Variants in SPAG17 observed in about 807,000 individuals in gnomAD.
SPAG17 encodes sperm associated antigen 17.
Under a neutral mutation model 273.6 loss-of-function variants are expected in SPAG17, and 169 were observed. The observed-to-expected ratio is 0.62, with a 90% CI of 0.55 to 0.70. The LOEUF (loss-of-function observed/expected upper bound fraction) is 0.70. Ranked by LOEUF, SPAG17 falls within the 30% of genes least tolerant of loss-of-function variation. The pLI is 0.00. For synonymous variants in SPAG17, 825 were observed against 873.2 expected (o/e 0.94, Z 0.97); for missense variants, 2,557 against 2,627.8 (o/e 0.97, Z 0.59).
intron 1 of SPAG17, among the ~76,000 whole-genome samples, chr1:118,153,144 T>C (rs889410476): frequency 2.0e-5 from 3 of 152,202 alleles, no homozygotes; most frequent in African/African-American, 7.2e-5. Context: ...TACTTATTAG[T>C]ATTTGGTGTC....
intron 24 of SPAG17, among the ~76,000 whole-genome samples, chr1:118,032,468 T>C (rs984831635): frequency 6.6e-6 from 1 of 152,138 alleles, no homozygotes; most frequent in Non-Finnish European, 1.5e-5. Flanking sequence ...CTGTGTGTCA[T>C]GAATTTTATT....
At position 117,966,668 on chromosome 1, in the gene SPAG17, ATG is replaced by A; in HGVS notation, c.6471_6472del (p.Ile2158LeufsTer11). Reference sequence around the variant, plus strand: ...TGTCATAATCTCGATATTGTGAGAGATGTGTGCTGATCCCTTGGCCCCATCCT... The same window carrying A: ...TGTCATAATCTCGATATTGTGAGAGATGTGCTGATCCCTTGGCCCCATCCT... On this transcript the variant is annotated frameshift_variant, in exon 47 of 49. Coordinates refer to ENST00000336338, the MANE Select transcript of SPAG17 (RefSeq NM_206996.4). LOFTEE classifies it high-confidence loss of function. 6.2e-7 allele frequency: 1 copy of A among 1,613,976 alleles called. No individual in the cohort carries two copies.
At chr1:117,994,330 G>T in intron 35 of SPAG17, 76 bp downstream of exon 35, 1 of 1,424,752 alleles carries the variant, frequency 7.0e-7, no homozygotes, top group Non-Finnish European at 9.4e-7. Flanking sequence ...TATGGGAGAA[G>T]ACTTAAGACT....
At chr1:117,959,615 G>A (rs1311121951) in intron 48 of SPAG17, 1 of 626,654 alleles carries the variant, frequency 1.6e-6, no homozygotes, top group African/African-American at 1.9e-5. Flanking sequence ...TCCAACATGA[G>A]ATTATGGGCT....
chr1:118,014,209 G>A (rs986876235), intron 29 of SPAG17, among the ~76,000 whole-genome samples: 3 of 152,162 alleles, frequency 2.0e-5, no homozygotes, highest in Non-Finnish European at 4.4e-5. Flanking sequence ...GAGTGAGTTA[G>A]TATATGGAAA....
At chr1:118,161,050 A>C (rs1017847539) in intron 1 of SPAG17, among the ~76,000 whole-genome samples, 1 of 152,272 alleles carries the variant, frequency 6.6e-6, no homozygotes. Context: ...CAGCTCAACA[A>C]GCATTTATTA....
Position 118,091,954 on chromosome 1 carries a change from C to T in SPAG17, c.1222G>A (p.Glu408Lys), listed in dbSNP as rs758513192. 5.0e-6 allele frequency: 8 copies of T among 1,613,698 alleles called. No individual in the cohort carries two copies. The highest frequency in any genetic ancestry group is 1.1e-5 in the South Asian group (1 of 91,070). Reference protein sequence around the residue: ...PAPGKKKAQYEEPQAPPPVTS... With the variant: ...PAPGKKKAQYKEPQAPPPVTS... ...CCTGGTGGTGGAGCTTGCGGTTCTT[C>T]ATACTGTGCTTTCTTCTTTCCAGGA... The change falls in exon 9 of 49, where the codon GAA becomes AAA. Residue 408 changes from glutamate to lysine, a missense_variant. Physicochemically the swap from Glu to Lys is moderately conservative, Grantham distance 56 (BLOSUM62 1). Transcript: ENST00000336338.
At chr1:118,111,592 A>AC (rs1656764012) in intron 4 of SPAG17, among the ~76,000 whole-genome samples, 2 of 151,412 alleles carry the variant, frequency 1.3e-5, no homozygotes, top group Admixed American at 6.6e-5. Flanking sequence ...ACACACACAC[A>AC]AATGGCATTA....
intron 3 of SPAG17, among the ~76,000 whole-genome samples, chr1:118,141,148 G>A (rs570221358): frequency 7.2e-5 from 11 of 152,314 alleles, no homozygotes; most frequent in Admixed American, 3.9e-4. Context: ...TTTGCTTAAT[G>A]TCCGTCTCCC....
intron 48 of SPAG17, among the ~76,000 whole-genome samples, chr1:117,956,439 G>C (rs1429630775): frequency 6.6e-6 from 1 of 152,090 alleles, no homozygotes; most frequent in African/African-American, 2.4e-5. Context: ...CTTGTCTTAG[G>C]ATAAAGATGA....
chr1:118,035,921 A>G (rs1180174301), intron 24 of SPAG17, among the ~76,000 whole-genome samples: 1 of 152,144 alleles, frequency 6.6e-6, no homozygotes, highest in Non-Finnish European at 1.5e-5. Context: ...GGCCAGGTGC[A>G]GTGGTTCACG....
chr1:118,143,744 T>A (rs905544564), intron 3 of SPAG17, among the ~76,000 whole-genome samples: 5 of 152,180 alleles, frequency 3.3e-5, no homozygotes, highest in African/African-American at 9.7e-5. Flanking sequence ...CCAATCCTGG[T>A]GTCTGTAGAG....
chr1:118,079,332 C>A (rs1465434350), intron 15 of SPAG17, among the ~76,000 whole-genome samples: 1 of 152,030 alleles, frequency 6.6e-6, no homozygotes, highest in African/African-American at 2.4e-5. Context: ...ATTTTACTTT[C>A]ACATTTAGTC....
At chr1:118,011,704 C>T (rs556821395) in intron 30 of SPAG17, among the ~76,000 whole-genome samples, 1 of 152,078 alleles carries the variant, frequency 6.6e-6, no homozygotes, top group South Asian at 2.1e-4. Flanking sequence ...ACATGTACCC[C>T]TTAACTTAAA....
intron 30 of SPAG17, among the ~76,000 whole-genome samples, chr1:118,011,271 C>CAT (rs1659436623): frequency 1.3e-5 from 2 of 152,162 alleles, no homozygotes; most frequent in South Asian, 4.1e-4. Flanking sequence ...CACATACACA[C>CAT]ATATGTTCAC....
At chr1:118,172,062 T>A (rs1171956726) in intron 1 of SPAG17, among the ~76,000 whole-genome samples, 1 of 152,198 alleles carries the variant, frequency 6.6e-6, no homozygotes, top group African/African-American at 2.4e-5. Context: ...CCTGTAAAAG[T>A]AATAATTATG....
At chr1:118,105,100 A>G (rs1281600523) in intron 4 of SPAG17, among the ~76,000 whole-genome samples, 1 of 152,206 alleles carries the variant, frequency 6.6e-6, no homozygotes. Context: ...TCTTAGTTTC[A>G]TAACTAAGAA....
At chr1:118,021,743 A>C (rs1375881115) in intron 28 of SPAG17, among the ~76,000 whole-genome samples, 1 of 152,148 alleles carries the variant, frequency 6.6e-6, no homozygotes. Flanking sequence ...CTTGGATGGA[A>C]GGGCTGTGAA....
intron 3 of SPAG17, among the ~76,000 whole-genome samples, chr1:118,122,453 C>T (rs1232614108): frequency 6.6e-6 from 1 of 152,150 alleles, no homozygotes; most frequent in African/African-American, 2.4e-5. Context: ...CACTGCAGAG[C>T]CTCAGGCAAG....
Sources: allele counts gnomAD v4.1 joint callset (sites outside exome capture counted in the v4.1 genomes callset), GRCh38; gene constraint gnomAD v4.1.1; transcripts MANE v1.5; gene names NCBI Gene and HGNC (gene_info 2026-07-23, HGNC 2026-07-21).